Variants in TMEM217B observed in about 807,000 individuals in gnomAD.
The protein encoded by TMEM217B is transmembrane protein 217B, also known as putative transmembrane protein 217B.
the TMEM217B span, among the ~76,000 whole-genome samples, chr6:37,221,345 C>G: frequency 6.6e-6 from 1 of 152,138 alleles, no homozygotes; most frequent in East Asian, 1.9e-4. Context: ...CACCACCACA[C>G]CTGGCTAATT....
chr6:37,236,574 A>C, the TMEM217B span, among the ~76,000 whole-genome samples: 2 of 152,158 alleles, frequency 1.3e-5, no homozygotes, highest in African/African-American at 4.8e-5. Context: ...TCAAATGCCC[A>C]GGCTTCAATC....
the TMEM217B span, among the ~76,000 whole-genome samples, chr6:37,252,310 G>C: frequency 1.3e-5 from 2 of 152,006 alleles, no homozygotes; most frequent in Non-Finnish European, 2.9e-5. Flanking sequence ...ACACAGCCCC[G>C]AGAGCTTATT....
chr6:37,235,363 C>A, the TMEM217B span, among the ~76,000 whole-genome samples: 9 of 151,892 alleles, frequency 5.9e-5, no homozygotes, highest in Non-Finnish European at 7.4e-5. Flanking sequence ...AAATGTATTT[C>A]TTTTATTATT....
At chr6:37,218,909 C>A in the TMEM217B span, 1 of 1,614,188 alleles carries the variant, frequency 6.2e-7, no homozygotes, top group Non-Finnish European at 8.5e-7. Context: ...CTCAGTGCAA[C>A]TGCCATTCCC....
At chr6:37,237,788 AAAC>A in the TMEM217B span, among the ~76,000 whole-genome samples, 1 of 152,182 alleles carries the variant, frequency 6.6e-6, no homozygotes, top group Non-Finnish European at 1.5e-5. Flanking sequence ...ATACAGTTAA[AAAC>A]AACCATCTTT....
chr6:37,246,601 A>G, the TMEM217B span, among the ~76,000 whole-genome samples: 1 of 152,110 alleles, frequency 6.6e-6, no homozygotes, highest in Non-Finnish European at 1.5e-5. Flanking sequence ...ACAATTGCCA[A>G]ATTAAATAGA....
At chr6:37,256,659 A>C in the TMEM217B span, among the ~76,000 whole-genome samples, 1 of 147,802 alleles carries the variant, frequency 6.8e-6, no homozygotes, top group African/African-American at 2.5e-5. Context: ...ATATAAAAGA[A>C]GGTCCTTCTT....
chr6:37,236,965 G>A, the TMEM217B span, among the ~76,000 whole-genome samples: 1 of 152,068 alleles, frequency 6.6e-6, no homozygotes, highest in Admixed American at 6.6e-5. Context: ...TCTCTGTGTG[G>A]GCTCCTTTGG....
chr6:37,222,660 A>G, the TMEM217B span, among the ~76,000 whole-genome samples: 1 of 152,156 alleles, frequency 6.6e-6, no homozygotes. Flanking sequence ...CTCCTCCAAG[A>G]GCACAGGGAG....
the TMEM217B span, among the ~76,000 whole-genome samples, chr6:37,251,797 C>G: frequency 6.6e-6 from 1 of 151,908 alleles, no homozygotes; most frequent in African/African-American, 2.4e-5. Context: ...CTTATTTGTT[C>G]TTTATTATTT....
chr6:37,228,085 G>T, the TMEM217B span, among the ~76,000 whole-genome samples: 12 of 152,176 alleles, frequency 7.9e-5, no homozygotes, highest in East Asian at 2.3e-3. Context: ...CAAATAAATG[G>T]GTGAGGTTGA....
chr6:37,250,691 G>A, the TMEM217B span, among the ~76,000 whole-genome samples: 43 of 152,346 alleles, frequency 2.8e-4, no homozygotes, highest in African/African-American at 8.9e-4. Flanking sequence ...TCTCTCAGGC[G>A]TGCGTGTGCA....
the TMEM217B span, among the ~76,000 whole-genome samples, chr6:37,241,001 C>A: frequency 7.9e-5 from 12 of 151,952 alleles, no homozygotes; most frequent in African/African-American, 2.7e-4. Context: ...GTTTTACTGA[C>A]CTTTTTGCAA....
the TMEM217B span, chr6:37,257,802 A>G: frequency 6.7e-5 from 76 of 1,141,484 alleles, 1 homozygote; most frequent in Non-Finnish European, 2.0e-5. Flanking sequence ...AGGAGCTGGG[A>G]GCGGGTGACC....
At chr6:37,249,354 C>T in the TMEM217B span, among the ~76,000 whole-genome samples, 2 of 152,246 alleles carry the variant, frequency 1.3e-5, no homozygotes, top group Admixed American at 6.5e-5. Context: ...AAGTCTCACT[C>T]TGTTGCCTAC....
the TMEM217B span, chr6:37,212,404 T>C: frequency 5.3e-5 from 21 of 395,716 alleles, no homozygotes; most frequent in Admixed American, 5.6e-4. Context: ...TTTCCTGGCA[T>C]CTGGCATGGT....
the TMEM217B span, among the ~76,000 whole-genome samples, chr6:37,222,821 G>A: frequency 6.6e-6 from 1 of 152,194 alleles, no homozygotes; most frequent in African/African-American, 2.4e-5. Flanking sequence ...CTCAGAAGGG[G>A]CCGGGCTTCC....
chr6:37,219,125 C>T, the TMEM217B span: 1 of 1,236,950 alleles, frequency 8.1e-7, no homozygotes, highest in South Asian at 1.4e-5. Context: ...TTCCCCAAAT[C>T]TACTTTGGAG....
the TMEM217B span, among the ~76,000 whole-genome samples, chr6:37,232,385 GTTTTGTTTTC>G: frequency 5.9e-5 from 9 of 152,140 alleles, no homozygotes; most frequent in South Asian, 4.1e-4. Context: ...GTTTTGTTTT[GTTTTGTTTTC>G]TTTTTTTTGA....
Sources: gnomAD v4.1 joint callset for allele counts (sites outside exome capture counted in the v4.1 genomes callset) on GRCh38, gnomAD v4.1.1 for gene constraint, MANE v1.5 for transcripts, NCBI Gene and HGNC (gene_info 2026-07-23, HGNC 2026-07-21) for gene names.